MOV10L1: variants seen among roughly 807,000 people sequenced by gnomAD.
MOV10L1 encodes RNA helicase Mov10l1.
In MOV10L1, 110 loss-of-function variants were observed where a neutral mutation model predicts 143.8. The observed-to-expected ratio is 0.76, with a 90% confidence interval of 0.66 to 0.90. MOV10L1 has a LOEUF of 0.90. MOV10L1 is among the 40% of genes least tolerant of loss of function. MOV10L1 has a pLI of 0.00. For missense variants in MOV10L1, 1,406 were observed against 1,526.8 expected (o/e 0.92, Z 1.32); for synonymous variants, 593 against 581.1 (o/e 1.02, Z -0.29).
chr22:50,090,337 C>A, intron 1 of MOV10L1, 152 bp downstream of exon 1: 2 of 1,485,446 alleles, frequency 1.3e-6, no homozygotes, highest in South Asian at 2.7e-5. Context: ...GATCCCCGTT[C>A]GCCTCAGGAG....
At chr22:50,103,140 G>C (rs1365008260) in intron 3 of MOV10L1, among the ~76,000 whole-genome samples, 4 of 152,206 alleles carry the variant, frequency 2.6e-5, no homozygotes, top group Non-Finnish European at 5.9e-5. Context: ...TGACACACGA[G>C]GGCAGCAGAG....
chr22:50,122,678 A>C (rs2062380591), intron 10 of MOV10L1, among the ~76,000 whole-genome samples: 1 of 151,842 alleles, frequency 6.6e-6, no homozygotes, highest in Non-Finnish European at 1.5e-5. Flanking sequence ...TATGATGTTA[A>C]CAGTGGGTTT....
At chr22:50,130,123 AAACTTAGTGGGC>A (rs919318773) in intron 13 of MOV10L1, among the ~76,000 whole-genome samples, 5 of 152,152 alleles carry the variant, frequency 3.3e-5, no homozygotes, top group Non-Finnish European at 7.4e-5. Context: ...TAAAAATACA[AAACTTAGTGGGC>A]ATGATGGCAC....
intron 16 of MOV10L1, 32 bp downstream of exon 16, chr22:50,142,221 A>C: frequency 6.4e-7 from 1 of 1,563,782 alleles, no homozygotes; most frequent in Non-Finnish European, 8.7e-7. Flanking sequence ...GGAGAAGAGC[A>C]ACTCTGAGAC....
At chr22:50,115,326 C>T in intron 8 of MOV10L1, 80 bp downstream of exon 8, 1 of 1,392,186 alleles carries the variant, frequency 7.2e-7, no homozygotes, top group Non-Finnish European at 9.3e-7. Context: ...AAAAGGTACT[C>T]CTTTGTGGCG....
chr22:50,125,494 A>T lies in MOV10L1; in HGVS notation c.1672A>T (p.Ile558Phe). ...ELKEYNMSGI[I>F]LRRNGDLLVL... ...GAAAGAGTATAACATGAGCGGGATC[A>T]TCTTAAGAAGGAATGGGGATCTGCT... Residue 558 changes from isoleucine to phenylalanine, a missense_variant, in exon 11 of 27, where the codon ATC becomes TTC. Transcript: ENST00000262794. 1 of 1,614,220 alleles carries T rather than the reference A, an allele frequency of 6.2e-7. No homozygotes were observed. Among genetic ancestry groups the T allele is most frequent in the Non-Finnish European group, 8.5e-7 (1 of 1,180,032 alleles).
At position 50,090,163 on chromosome 22, in the gene MOV10L1, G is replaced by C; in HGVS notation, c.75G>C (p.Gln25His). The stretch of plus-strand genomic sequence containing the variant: ...ACACCCCTAGGGAGGAAGCCGGGCA[G>C]CTGGAGCCCGAGCTCGCGGAAGGTG... ...TADTPREEAG[Q>H]LEPELAEGDT... Residue 25 changes from glutamine to histidine, a missense_variant, in exon 1 of 27, where the codon CAG (glutamine) becomes CAC (histidine). Gln to His is a conservative substitution (Grantham distance 24). This residue lies in a region of MOV10L1 where 166 missense variants were observed against 153.9 expected (regional missense o/e 1.08). Transcript: ENST00000262794. 1 of 1,422,424 alleles carries C rather than the reference G, an allele frequency of 7.0e-7. No homozygotes were observed. Among genetic ancestry groups the C allele is most frequent in the Non-Finnish European group, 9.2e-7 (1 of 1,089,970 alleles). 88.1% of individuals were successfully genotyped at this position (1,422,424 alleles called of 1,614,324 possible).
At position 50,117,200 on chromosome 22, in the gene MOV10L1, G is replaced by A. The variant is rs533621209; in HGVS notation, c.1303G>A (p.Asp435Asn). The change falls in exon 9 of 27, where the codon GAT (aspartate) becomes AAT (asparagine). Residue 435 changes from aspartate to asparagine, a missense_variant. By Grantham distance (23) the Asp-to-Asn change is conservative (BLOSUM62 1). Around this residue, in one of 3 missense-constraint regions of MOV10L1, gnomAD observed 1,233 missense variants for 1,351.4 expected, o/e 0.91. Transcript: ENST00000262794. ...CKELLLLCFS[D>N]FLIGRYLEVN... ...GGAGCTCCTTTTGCTCTGTTTTTCC[G>A]ATTTCCTAATTGGGCGATACCTTGA... The A allele has an allele frequency of 4.7e-5, 76 of 1,611,330 alleles. No individual in the cohort carries two copies. The highest frequency in any genetic ancestry group is 4.0e-4 in the African/African-American group (30 of 74,854).
At chr22:50,122,454 T>C (rs1054432877) in intron 10 of MOV10L1, among the ~76,000 whole-genome samples, 9 of 152,350 alleles carry the variant, frequency 5.9e-5, no homozygotes, top group South Asian at 2.1e-4. Flanking sequence ...TGGAATCTTT[T>C]AGAGTTTTCT....
chr22:50,153,944 C>T (rs1198141065), intron 22 of MOV10L1, among the ~76,000 whole-genome samples: 1 of 152,178 alleles, frequency 6.6e-6, no homozygotes, highest in African/African-American at 2.4e-5. Context: ...CCCCGGAGGA[C>T]AGGGGTCCAG....
At chr22:50,108,558 G>A in intron 4 of MOV10L1, 99 bp from the exon 5 acceptor site, 1 of 1,329,864 alleles carries the variant, frequency 7.5e-7, no homozygotes, top group Non-Finnish European at 1.1e-6. Context: ...GCTTCCTGGT[G>A]CAGCTTGTGT....
intron 6 of MOV10L1, among the ~76,000 whole-genome samples, 195 bp from the exon 7 acceptor site, chr22:50,114,186 G>A (rs921244559): frequency 7.2e-5 from 11 of 152,004 alleles, no homozygotes; most frequent in African/African-American, 2.4e-5. Flanking sequence ...CAAAGTGCTG[G>A]GACTACAGGC....
chr22:50,118,364 A>C (rs1018864131), intron 9 of MOV10L1, among the ~76,000 whole-genome samples: 1 of 152,158 alleles, frequency 6.6e-6, no homozygotes, highest in African/African-American at 2.4e-5. Context: ...TCAGACATGT[A>C]AAATGTGCAG....
chr22:50,090,054 G>GCGGCGGTGA lies in MOV10L1; in HGVS notation c.-30_-22dup, dbSNP rs1031823211. 6 of 789,024 alleles carry GCGGCGGTGA rather than the reference G, an allele frequency of 7.6e-6. No individual in the cohort carries two copies. The highest frequency in any genetic ancestry group is 2.2e-5 in the African/African-American group (1 of 46,436). 48.9% of individuals were successfully genotyped at this position (789,024 alleles called of 1,614,324 possible). On this transcript the variant is annotated 5_prime_UTR_variant, in exon 1 of 27. Transcript: ENST00000262794. ...GCGCGGGCGCGTGCGGGCGGCGGCA[G>GCGGCGGTGA]CGGCGGTGACGGCAGCCTAGGCCGG... is the stretch of plus-strand genomic sequence containing the variant.
chr22:50,113,683 A>G lies in MOV10L1; in HGVS notation c.779A>G (p.Tyr260Cys), dbSNP rs369127945. ...AAPVHEATHF[Y>C]GTILLKNKGD... ...CCTGTTCATGAGGCCACTCATTTCT[A>G]TGGAACGATTTTGCTGAAGAACAAA... Residue 260 changes from tyrosine to cysteine, a missense_variant, in exon 6 of 27, where the codon TAT becomes TGT. Physicochemically the swap from Tyr to Cys is radical, Grantham distance 194. Around this residue, in one of 3 missense-constraint regions of MOV10L1, gnomAD observed 1,233 missense variants for 1,351.4 expected, o/e 0.91. Coordinates refer to ENST00000262794, the MANE Select transcript of MOV10L1 (RefSeq NM_018995.3). 32 of 1,613,962 alleles carry G rather than the reference A, an allele frequency of 2.0e-5. No homozygotes were observed. Among genetic ancestry groups the G allele is most frequent in the African/African-American group, 6.7e-5 (5 of 75,014 alleles).
intron 13 of MOV10L1, among the ~76,000 whole-genome samples, chr22:50,130,649 T>C (rs945609705): frequency 1.5e-4 from 22 of 149,456 alleles, no homozygotes; most frequent in African/African-American, 5.4e-4. Flanking sequence ...GACCCAGGAA[T>C]GGGAAGGAAG....
intron 16 of MOV10L1, 123 bp from the exon 17 acceptor site, chr22:50,142,920 C>G: frequency 1.2e-6 from 1 of 808,260 alleles, no homozygotes; most frequent in Non-Finnish European, 2.0e-6. Flanking sequence ...AGAGCTACTC[C>G]CTGTCTGTGA....
chr22:50,160,044 A>G (rs1054307498), intron 24 of MOV10L1, among the ~76,000 whole-genome samples: 1 of 152,256 alleles, frequency 6.6e-6, no homozygotes, highest in South Asian at 2.1e-4. Context: ...AGAAGGAGGG[A>G]CACGAAGTTG....
intron 15 of MOV10L1, among the ~76,000 whole-genome samples, chr22:50,136,214 G>A (rs767145240): frequency 2.0e-5 from 3 of 151,908 alleles, no homozygotes; most frequent in Non-Finnish European, 2.9e-5. Flanking sequence ...TTTCTTCTCC[G>A]TCATCACCTC....
Sources: gnomAD v4.1 joint callset for allele counts (sites outside exome capture counted in the v4.1 genomes callset) on GRCh38, gnomAD v4.1.1 for gene constraint, gnomAD v4.1.1 regional missense constraint, MANE v1.5 for transcripts, NCBI Gene and HGNC (gene_info 2026-07-23, HGNC 2026-07-21) for gene names.